Variants in SLC7A1 observed in about 807,000 individuals in gnomAD.
The protein encoded by SLC7A1 is high affinity cationic amino acid transporter 1.
SLC7A1 carries 10 observed loss-of-function variants against 53.9 expected under a neutral mutation model. That is an observed-to-expected ratio of 0.19 (90% CI 0.11 to 0.31). The LOEUF is 0.31. Among genes scored for constraint, SLC7A1 ranks in the 10% least tolerant of loss-of-function variants. SLC7A1 has a pLI of 1.00. For synonymous variants in SLC7A1, 342 were observed against 338.7 expected, an observed-to-expected ratio of 1.01 and a Z score of -0.11; for missense variants, 525 against 827.2, an observed-to-expected ratio of 0.63 and a Z score of 4.48.
chr13:29,544,697 C>T (rs1869829339), intron 2 of SLC7A1, among the ~76,000 whole-genome samples: 1 of 152,118 alleles, frequency 6.6e-6, no homozygotes, highest in Non-Finnish European at 1.5e-5. Context: ...AGTTGGGGTT[C>T]AAGTCTCACT....
At chr13:29,522,482 G>A (rs766986214) in intron 7 of SLC7A1, 26 bp from the exon 8 acceptor site, 8 of 1,613,710 alleles carry the variant, frequency 5.0e-6, no homozygotes, top group Non-Finnish European at 6.8e-6. Context: ...CAAACCGCGT[G>A]AGTGAACCTG....
chr13:29,588,097 G>GA (rs1324687318), intron 1 of SLC7A1, among the ~76,000 whole-genome samples: 1 of 152,138 alleles, frequency 6.6e-6, no homozygotes, highest in Non-Finnish European at 1.5e-5. Context: ...TTATGAGGTA[G>GA]AAAATCACAC....
At chr13:29,588,932 C>A (rs1304770020) in intron 1 of SLC7A1, among the ~76,000 whole-genome samples, 2 of 152,198 alleles carry the variant, frequency 1.3e-5, no homozygotes, top group African/African-American at 4.8e-5. Flanking sequence ...TTCCCAGGGG[C>A]CTTCACTGGG....
At chr13:29,529,924 A>G (rs1056125994) in intron 5 of SLC7A1, among the ~76,000 whole-genome samples, 5 of 152,186 alleles carry the variant, frequency 3.3e-5, no homozygotes, top group East Asian at 1.9e-4. Context: ...GAGATGGCAC[A>G]GGGTGGAGCT....
chr13:29,543,165 A>G (rs1869743028), intron 2 of SLC7A1, among the ~76,000 whole-genome samples: 1 of 152,192 alleles, frequency 6.6e-6, no homozygotes, highest in African/African-American at 2.4e-5. Context: ...CTGGAGCACT[A>G]GGGTCCCAAA....
At chr13:29,520,460 T>G (rs955153603) in intron 8 of SLC7A1, among the ~76,000 whole-genome samples, 1 of 151,910 alleles carries the variant, frequency 6.6e-6, no homozygotes, top group Non-Finnish European at 1.5e-5. Context: ...ATCTGAAGAG[T>G]TGTTCTCAAA....
intron 1 of SLC7A1, among the ~76,000 whole-genome samples, chr13:29,593,676 G>A (rs961503259): frequency 2.6e-5 from 4 of 151,980 alleles, no homozygotes; most frequent in African/African-American, 7.3e-5. Flanking sequence ...CAATCAACAC[G>A]TATTTAATTC....
At chr13:29,534,076 C>T (rs549853884) in intron 3 of SLC7A1, among the ~76,000 whole-genome samples, 2 of 152,266 alleles carry the variant, frequency 1.3e-5, no homozygotes, top group South Asian at 2.1e-4. Context: ...CCTGTCACCC[C>T]CAAAGCAGCT....
At chr13:29,593,764 T>A (rs1220124596) in intron 1 of SLC7A1, among the ~76,000 whole-genome samples, 1 of 135,124 alleles carries the variant, frequency 7.4e-6, no homozygotes, top group Non-Finnish European at 1.7e-5. Context: ...CAAGCCTTTC[T>A]TTTTTTTTTT....
At chr13:29,526,255 A>G (rs1037831649) in intron 5 of SLC7A1, among the ~76,000 whole-genome samples, 1 of 152,232 alleles carries the variant, frequency 6.6e-6, no homozygotes, top group Non-Finnish European at 1.5e-5. Flanking sequence ...ACCTGAGGCC[A>G]TAAGTTAGGG....
chr13:29,566,416 T>A (rs567355108), intron 1 of SLC7A1, among the ~76,000 whole-genome samples: 1 of 152,256 alleles, frequency 6.6e-6, no homozygotes, highest in South Asian at 2.1e-4. Flanking sequence ...ATGTGGTACA[T>A]CCAGACAAAG....
chr13:29,592,330 G>A (rs1438418829), intron 1 of SLC7A1, among the ~76,000 whole-genome samples: 1 of 152,214 alleles, frequency 6.6e-6, no homozygotes, highest in East Asian at 1.9e-4. Context: ...GCAAACCACA[G>A]ACCAGCCAGA....
intron 1 of SLC7A1, among the ~76,000 whole-genome samples, chr13:29,559,755 G>T (rs747973475): frequency 4.7e-5 from 7 of 148,136 alleles, no homozygotes; most frequent in South Asian, 4.2e-4. Flanking sequence ...TCGCTCTGTC[G>T]CTCAGGCTGG....
At chr13:29,563,192 G>T (rs148731651) in intron 1 of SLC7A1, among the ~76,000 whole-genome samples, 2 of 152,156 alleles carry the variant, frequency 1.3e-5, no homozygotes, top group African/African-American at 4.8e-5. Flanking sequence ...TTAGGTTGTC[G>T]CAATTGAAGG....
At chr13:29,563,510 G>A (rs1307637939) in intron 1 of SLC7A1, among the ~76,000 whole-genome samples, 1 of 152,204 alleles carries the variant, frequency 6.6e-6, no homozygotes, top group Admixed American at 6.5e-5. Flanking sequence ...GAACCAGATA[G>A]GAGAATAACT....
At chr13:29,589,293 A>G (rs1306069735) in intron 1 of SLC7A1, among the ~76,000 whole-genome samples, 1 of 152,256 alleles carries the variant, frequency 6.6e-6, no homozygotes, top group African/African-American at 2.4e-5. Flanking sequence ...GATTTCCACA[A>G]GACCCCCTGC....
chr13:29,532,606 C>G (rs1198524391), intron 4 of SLC7A1, among the ~76,000 whole-genome samples: 1 of 152,200 alleles, frequency 6.6e-6, no homozygotes, highest in Non-Finnish European at 1.5e-5. Context: ...AAATGGCACA[C>G]AATTCAACAG....
intron 2 of SLC7A1, among the ~76,000 whole-genome samples, chr13:29,543,570 C>A (rs141389155): frequency 1.3e-5 from 2 of 152,326 alleles, no homozygotes; most frequent in East Asian, 3.9e-4. Context: ...TACAGCCCAC[C>A]ACTCTAAGTC....
intron 1 of SLC7A1, among the ~76,000 whole-genome samples, chr13:29,569,269 T>G (rs1871096563): frequency 6.6e-6 from 1 of 152,150 alleles, no homozygotes; most frequent in South Asian, 2.1e-4. Context: ...AGATCGGCCC[T>G]TCACCAAGCC....
Sources: allele counts gnomAD v4.1 joint callset (sites outside exome capture counted in the v4.1 genomes callset), GRCh38; gene constraint gnomAD v4.1.1; transcripts MANE v1.5; gene names NCBI Gene and HGNC (gene_info 2026-07-23, HGNC 2026-07-21).